Variants in STAT5A observed in about 807,000 individuals in gnomAD.
STAT5A encodes signal transducer and activator of transcription 5A.
In STAT5A, 26 loss-of-function variants were observed where a neutral mutation model predicts 100.2. That is an observed-to-expected ratio of 0.26 (90% CI 0.19 to 0.36). STAT5A has a LOEUF of 0.36. STAT5A is among the 10% of genes least tolerant of loss of function. The probability of loss-of-function intolerance (pLI) is 1.00; values close to 1 mark genes in which losing one functional copy is unlikely to be tolerated. For missense variants in STAT5A, 634 were observed against 1,027.5 expected (o/e 0.62, Z 5.24); for synonymous variants, 330 against 424.3 (o/e 0.78, Z 2.73).
At chr17:42,297,428 G>A (rs1486791606) in intron 5 of STAT5A, among the ~76,000 whole-genome samples, 14 of 151,916 alleles carry the variant, frequency 9.2e-5, no homozygotes, top group South Asian at 2.1e-4. Context: ...GCATGGTGGC[G>A]GATTAGGTTT....
intron 1 of STAT5A, 165 bp from the exon 2 acceptor site, chr17:42,289,237 C>T: frequency 5.5e-6 from 4 of 730,510 alleles, no homozygotes; most frequent in Non-Finnish European, 4.1e-6. Flanking sequence ...ATGGGCGGCC[C>T]TCCACTCCTC....
At chr17:42,297,138 G>T (rs907529120) in intron 5 of STAT5A, among the ~76,000 whole-genome samples, 2 of 151,672 alleles carry the variant, frequency 1.3e-5, no homozygotes, top group African/African-American at 4.9e-5. Context: ...GGGTTGTGCC[G>T]TGTTGTCCAG....
intron 4 of STAT5A, 101 bp from the exon 5 acceptor site, chr17:42,295,517 TG>T (rs2080910030): frequency 1.6e-6 from 2 of 1,247,696 alleles, no homozygotes; most frequent in Non-Finnish European, 1.1e-6. Context: ...TACCCTAGTT[TG>T]GGGTTTGGGG....
intron 9 of STAT5A, among the ~76,000 whole-genome samples, chr17:42,303,120 C>G (rs1005663564): frequency 2.9e-4 from 44 of 152,134 alleles, no homozygotes; most frequent in Non-Finnish European, 5.4e-4. Context: ...GTGGTGGAAG[C>G]CTGTAATCCC....
intron 3 of STAT5A, among the ~76,000 whole-genome samples, chr17:42,291,756 CTG>C (rs2080871130): frequency 6.6e-6 from 1 of 150,566 alleles, no homozygotes; most frequent in Non-Finnish European, 1.5e-5. Flanking sequence ...GCCTCATAAA[CTG>C]TGGGTTTTTA....
At position 42,288,654 on chromosome 17, in the gene STAT5A, CCG is replaced by C. The variant is rs1231451356; in HGVS notation, c.-11+58_-11+59del. ...CGCGCCGAGAGGGGACACTCTACTG[CCG>C]CCCCGGCACCTCCGGCACCCGGAGC... is the stretch of plus-strand genomic sequence containing the variant. On this transcript the variant is annotated intron_variant, in intron 1 of 18. Coordinates refer to ENST00000590949, the MANE Select transcript of STAT5A (RefSeq NM_001288718.2). This position sits in a 1 kb window ranked among gnomAD's most constrained non-coding sequence, Gnocchi z 4.8. The C allele has an allele frequency of 6.6e-6, 1 of 152,286 alleles. No individual in the cohort carries two copies. The highest frequency in any genetic ancestry group is 1.5e-5 in the Non-Finnish European group (1 of 68,110). 9.4% of individuals were successfully genotyped at this position (152,286 alleles called of 1,614,324 possible).
Position 42,310,800 on chromosome 17 carries a change from G to A in STAT5A, c.*131G>A. The stretch of plus-strand genomic sequence containing the variant: ...TGCTTGTGTGTGTGTGTGTGTGTGT[G>A]TCCTTGTGCATGAGCTACGCCTGCC... On this transcript the variant is annotated 3_prime_UTR_variant, in exon 19 of 19. Coordinates refer to ENST00000590949, the MANE Select transcript of STAT5A (RefSeq NM_001288718.2). The A allele has an allele frequency of 7.5e-7, 1 of 1,334,898 alleles. No individual in the cohort carries two copies. Among genetic ancestry groups the A allele is most frequent in the Non-Finnish European group, 1.0e-6 (1 of 989,352 alleles). 82.7% of individuals were successfully genotyped at this position (1,334,898 alleles called of 1,614,324 possible).
At position 42,289,477 on chromosome 17, in the gene STAT5A, C is replaced by T. The variant is rs370309676; in HGVS notation, c.66C>T (p.Tyr22=). ...GDALRQMQVL[Y]GQHFPIEVRH... ...CGCTGCGCCAGATGCAGGTGCTGTA[C>T]GGCCAGCACTTCCCCATCGAGGTCC... Residue 22 remains tyrosine (Y), a synonymous_variant, in exon 2 of 19, where the codon TAC becomes TAT. Coordinates refer to ENST00000590949, the MANE Select transcript of STAT5A (RefSeq NM_001288718.2). The T allele has an allele frequency of 6.2e-7, 1 of 1,613,170 alleles. No individual in the cohort carries two copies. Among genetic ancestry groups the T allele is most frequent in the Non-Finnish European group, 8.5e-7 (1 of 1,179,938 alleles).
chr17:42,297,922 C>G (rs1233268046), intron 5 of STAT5A, among the ~76,000 whole-genome samples: 7 of 151,626 alleles, frequency 4.6e-5, no homozygotes, highest in Non-Finnish European at 7.4e-5. Context: ...GCCAGGAGCT[C>G]GACCAAGACA....
chr17:42,310,446 C>T (rs746391629), intron 18 of STAT5A, 61 bp from the exon 19 acceptor site: 336 of 1,585,364 alleles, frequency 2.1e-4, no homozygotes, highest in Non-Finnish European at 2.8e-4. Flanking sequence ...GAGGCTGTCC[C>T]CAGGGAGCTT....
chr17:42,306,458 CA>C lies in STAT5A; in HGVS notation c.1680+12del, dbSNP rs1567693746. 6 of 1,605,702 alleles carry C rather than the reference CA, an allele frequency of 3.7e-6. No individual in the cohort carries two copies. Among genetic ancestry groups the C allele is most frequent in the Non-Finnish European group, 4.3e-6 (5 of 1,176,108 alleles). On this transcript the variant is annotated intron_variant, in intron 13 of 18. Coordinates refer to ENST00000590949, the MANE Select transcript of STAT5A (RefSeq NM_001288718.2). The stretch of plus-strand genomic sequence containing the variant: ...TCCCAGTTCAACAGGGTGAGGGGCC[CA>C]GCTGCCAGCCGCCCACCAGGGCCCA...
intron 18 of STAT5A, 66 bp from the exon 19 acceptor site, chr17:42,310,441 T>C: frequency 1.3e-6 from 2 of 1,573,018 alleles, no homozygotes; most frequent in Non-Finnish European, 1.7e-6. Context: ...GGCTGGAGGC[T>C]GTCCCCAGGG....
chr17:42,297,257 A>G (rs1598358039), intron 5 of STAT5A, among the ~76,000 whole-genome samples: 1 of 152,290 alleles, frequency 6.6e-6, no homozygotes, highest in African/African-American at 2.4e-5. Context: ...GGATAATTCT[A>G]AGAGAATTTC....
intron 4 of STAT5A, among the ~76,000 whole-genome samples, chr17:42,295,172 G>T (rs1404115353): frequency 6.6e-6 from 1 of 152,166 alleles, no homozygotes; most frequent in Non-Finnish European, 1.5e-5. Context: ...ACACAGCCCT[G>T]TTCCTCCCTA....
intron 3 of STAT5A, 145 bp downstream of exon 3, chr17:42,290,167 C>G (rs1351702262): frequency 1.7e-6 from 2 of 1,191,112 alleles, no homozygotes; most frequent in African/African-American, 1.6e-5. Flanking sequence ...TCCCCCACCC[C>G]CTCTTTCTAA....
chr17:42,290,079 A>G (rs2080856115), intron 3 of STAT5A, 57 bp downstream of exon 3: 2 of 1,521,158 alleles, frequency 1.3e-6, no homozygotes, highest in South Asian at 2.6e-5. Flanking sequence ...TTCCAGCATC[A>G]GAACCCCTGG....
chr17:42,306,939 C>T (rs2002052), intron 13 of STAT5A, among the ~76,000 whole-genome samples: 28,396 of 151,842 alleles, frequency 0.19, 2,900 homozygotes, highest in East Asian at 0.36. Context: ...AGGCTGGTCT[C>T]GAACTCCTGA....
In STAT5A at chr17:42,308,341, C is replaced by T; in HGVS notation, c.2062+8C>T. ...ACTACACTCCTGTGCTGGGTGGGTA[C>T]TGCCCCAGGACCCTGCCGGCTGACT... On this transcript the variant is annotated splice_region_variant and intron_variant, in intron 16 of 18. Coordinates refer to ENST00000590949, the MANE Select transcript of STAT5A (RefSeq NM_001288718.2). The surrounding 1 kb of genome is among the most constrained non-coding windows in gnomAD (Gnocchi z 4.6). 1.2e-6 allele frequency: 2 copies of T among 1,614,144 alleles called. No homozygotes were observed. The highest frequency in any genetic ancestry group is 1.3e-5 in the African/African-American group (1 of 75,060).
At chr17:42,306,028 C>T (rs1202873251) in intron 12 of STAT5A, 79 of 792,666 alleles carry the variant, frequency 1.0e-4, no homozygotes, top group South Asian at 1.8e-5. Flanking sequence ...CCTGCATGCC[C>T]CCACCCCCTG....
Sources: allele counts gnomAD v4.1 joint callset (sites outside exome capture counted in the v4.1 genomes callset), GRCh38; gene constraint gnomAD v4.1.1; non-coding constraint Gnocchi (gnomAD v3.1); transcripts MANE v1.5; gene names NCBI Gene and HGNC (gene_info 2026-07-23, HGNC 2026-07-21).